CD226: variants seen among roughly 807,000 people sequenced by gnomAD.
CD226 encodes CD226 molecule, also known as CD226 antigen.
A neutral mutation model predicts 34.9 loss-of-function variants in CD226; 24 were observed. The ratio of observed to expected loss-of-function variants is 0.69; its 90% CI spans 0.50 to 0.97. The LOEUF (loss-of-function observed/expected upper bound fraction) is 0.97, where lower values mean the gene tolerates loss of function less well. Among genes scored for constraint, CD226 ranks in the 50% least tolerant of loss-of-function variants. The probability of loss-of-function intolerance (pLI) is 0.00; values close to 1 mark genes in which losing one functional copy is unlikely to be tolerated. For synonymous variants in CD226, 148 were observed against 147.4 expected (o/e 1.00, Z -0.03); for missense variants, 397 against 412.7 (o/e 0.96, Z 0.33).
intron 1 of CD226, among the ~76,000 whole-genome samples, chr18:69,955,514 G>A (rs757355541): frequency 1.6e-4 from 25 of 152,132 alleles, no homozygotes; most frequent in Non-Finnish European, 2.5e-4. Flanking sequence ...TCAGATGCGA[G>A]GGTTTGCCTG....
chr18:69,942,020 CCACCT>C (rs2055731149), intron 2 of CD226, among the ~76,000 whole-genome samples: 1 of 152,120 alleles, frequency 6.6e-6, no homozygotes, highest in South Asian at 2.1e-4. Flanking sequence ...GGCTTTTCCC[CCACCT>C]CACTCTGCAC....
intron 2 of CD226, among the ~76,000 whole-genome samples, chr18:69,909,089 G>A (rs191400424): frequency 4.4e-4 from 67 of 152,240 alleles, no homozygotes; most frequent in Admixed American, 1.2e-3. Flanking sequence ...CTTCTATTGT[G>A]TTGTTTTTTA....
intron 2 of CD226, among the ~76,000 whole-genome samples, chr18:69,935,391 C>T (rs1344565622): frequency 6.6e-6 from 1 of 152,146 alleles, no homozygotes; most frequent in Non-Finnish European, 1.5e-5. Flanking sequence ...AGCTCTCAAC[C>T]TTTGAAGTGA....
chr18:69,925,595 T>C (rs1000046211), intron 2 of CD226, among the ~76,000 whole-genome samples: 1 of 152,096 alleles, frequency 6.6e-6, no homozygotes, highest in Admixed American at 6.5e-5. Context: ...AGTTGCTGGA[T>C]CCCGTCAACT....
rs1982876050 is a variant in CD226, at chr18:69,862,417, A to T, written c.*1897T>A. ...AATTCACTCACAGAATCTTTGATTG[A>T]TCTGATAGTAGAGTGCTTTCTTGTA... On this transcript the variant is annotated 3_prime_UTR_variant, in exon 6 of 6. Transcript: ENST00000582621. 1 of 152,174 alleles carries T rather than the reference A, an allele frequency of 6.6e-6. No individual in the cohort carries two copies. The highest frequency in any genetic ancestry group is 6.5e-5 in the Admixed American group (1 of 15,274). 9.4% of individuals were successfully genotyped at this position (152,174 alleles called of 1,614,324 possible). A position where few individuals can be genotyped will look rare whatever the true frequency, so the allele number is the denominator to read the frequency against.
Position 69,863,249 on chromosome 18 carries a change from T to A in CD226, c.*1065A>T, listed in dbSNP as rs1982922110. 1 of 152,202 alleles carries A rather than the reference T, an allele frequency of 6.6e-6. No homozygotes were observed. The highest frequency in any genetic ancestry group is 6.5e-5 in the Admixed American group (1 of 15,276). 9.4% of individuals were successfully genotyped at this position (152,202 alleles called of 1,614,324 possible). A position where few individuals can be genotyped will look rare whatever the true frequency, so the allele number is the denominator to read the frequency against. On this transcript the variant is annotated 3_prime_UTR_variant, in exon 6 of 6. Transcript: ENST00000582621. Reference sequence around the variant, plus strand: ...CTGTCACTTTTAGTGGTATATTATATTCAACTTTCACATAATCATTAAAAA... The same window carrying A: ...CTGTCACTTTTAGTGGTATATTATAATCAACTTTCACATAATCATTAAAAA...
At chr18:69,912,330 G>T (rs1396167617) in intron 2 of CD226, among the ~76,000 whole-genome samples, 2 of 152,212 alleles carry the variant, frequency 1.3e-5, no homozygotes, top group Middle Eastern at 3.2e-3. Context: ...AAATGGTTGA[G>T]CCTTCTTACA....
rs1271090646 is a variant in CD226, at chr18:69,853,705, A to G, written c.*10609T>C. The G allele has an allele frequency of 6.6e-6, 1 of 152,142 alleles. No individual in the cohort carries two copies. Among genetic ancestry groups the G allele is most frequent in the East Asian group, 1.9e-4 (1 of 5,186 alleles). 9.4% of individuals were successfully genotyped at this position (152,142 alleles called of 1,614,324 possible). A position where few individuals can be genotyped will look rare whatever the true frequency, so the allele number is the denominator to read the frequency against. Reference sequence around the variant, plus strand: ...GCAGTTCATCTTTAGTTTATTTCCAATCGCATAGACTTGACATGTTATCTC... The same window carrying G: ...GCAGTTCATCTTTAGTTTATTTCCAGTCGCATAGACTTGACATGTTATCTC... On this transcript the variant is annotated 3_prime_UTR_variant, in exon 6 of 6. Transcript: ENST00000582621.
upstream of CD226, among the ~76,000 whole-genome samples, chr18:69,952,464 A>G (rs2055862530): frequency 1.3e-5 from 2 of 152,226 alleles, no homozygotes; most frequent in Admixed American, 1.3e-4. Context: ...ATCTATGAAC[A>G]ATTGATATTC....
intron 2 of CD226, among the ~76,000 whole-genome samples, chr18:69,901,651 A>G (rs2849475): frequency 0.37 from 55,537 of 151,940 alleles, 13,177 homozygotes; most frequent in African/African-American, 0.67. Flanking sequence ...AGGCCGAGGC[A>G]GGCAGATCAC....
chr18:69,935,526 T>C (rs1286058154), intron 2 of CD226, among the ~76,000 whole-genome samples: 4 of 152,206 alleles, frequency 2.6e-5, no homozygotes, highest in Non-Finnish European at 5.9e-5. Flanking sequence ...CTCTTACTCA[T>C]GTGTGAGGCC....
upstream of CD226, among the ~76,000 whole-genome samples, chr18:69,950,971 TTGTGTGTGTGTGTGTGTGTGTG>T (rs57098005): frequency 1.5e-5 from 2 of 132,606 alleles, no homozygotes; most frequent in Non-Finnish European, 3.2e-5. Flanking sequence ...AACTATGATT[TTGTGTGTGTGTGTGTGTGTGTG>T]TGTGTGTGTG....
rs1426781436 is a variant in CD226, at chr18:69,861,542, G to GTATATATATATTTATATATA, written c.*2771_*2772insTATATATAAATATATATATA. The stretch of plus-strand genomic sequence containing the variant: ...TTATCCATCGATATAAATTATATGT[G>GTATATATATATTTATATATA]TATATATATATGTATATATATATAT... On this transcript the variant is annotated 3_prime_UTR_variant, in exon 6 of 6. Transcript: ENST00000582621. The GTATATATATATTTATATATA allele has an allele frequency of 4.8e-5, 2 of 41,546 alleles. No homozygotes were observed. Among genetic ancestry groups the GTATATATATATTTATATATA allele is most frequent in the Admixed American group, 3.9e-4 (1 of 2,568 alleles). 2.6% of individuals were successfully genotyped at this position (41,546 alleles called of 1,614,324 possible).
intron 2 of CD226, among the ~76,000 whole-genome samples, chr18:69,933,558 C>T (rs1244773382): frequency 6.6e-6 from 1 of 152,216 alleles, no homozygotes; most frequent in Non-Finnish European, 1.5e-5. Context: ...CCTTGCATTA[C>T]AGTCACTTGG....
intron 5 of CD226, among the ~76,000 whole-genome samples, chr18:69,865,653 C>G (rs62090789): frequency 0.022 from 3,410 of 152,234 alleles, 55 homozygotes; most frequent in Non-Finnish European, 0.031. Context: ...TTTCTTGATT[C>G]TACAGTTGGC....
chr18:69,886,715 AT>A (rs1370731767), intron 3 of CD226, among the ~76,000 whole-genome samples: 5 of 150,434 alleles, frequency 3.3e-5, no homozygotes, highest in Non-Finnish European at 5.9e-5. Context: ...CAAAAAAAAA[AT>A]AAAAATAAAA....
Position 69,947,525 on chromosome 18 carries a change from T to G in CD226, c.-119A>C, listed in dbSNP as rs777052433. 2 of 573,038 alleles carry G rather than the reference T, an allele frequency of 3.5e-6. No homozygotes were observed. The highest frequency in any genetic ancestry group is 6.0e-6 in the Non-Finnish European group (2 of 332,940). The allele number at this position is 573,038 out of a possible 1,614,324, so 35.5% of individuals were successfully genotyped here. A position where few individuals can be genotyped will look rare whatever the true frequency, so the allele number is the denominator to read the frequency against. On this transcript the variant is annotated 5_prime_UTR_variant, in exon 1 of 6. Transcript: ENST00000582621. ...CCTCTCAGATGTTATCAGTCGTGTC[T>G]TCTTTTTCTGAAGTATGAACACAGG...
intron 2 of CD226, among the ~76,000 whole-genome samples, chr18:69,917,970 C>A (rs2055405840): frequency 6.6e-6 from 1 of 152,148 alleles, no homozygotes; most frequent in Admixed American, 6.5e-5. Flanking sequence ...AACAAGTCAG[C>A]TGCCCACTGA....
At chr18:69,884,933 A>G (rs1446076754) in intron 3 of CD226, among the ~76,000 whole-genome samples, 2 of 152,214 alleles carry the variant, frequency 1.3e-5, no homozygotes, top group Non-Finnish European at 2.9e-5. Context: ...TGTGACATGC[A>G]TTACATTCTG....
Sources: gnomAD v4.1 joint callset for allele counts (sites outside exome capture counted in the v4.1 genomes callset) on GRCh38, gnomAD v4.1.1 for gene constraint, MANE v1.5 for transcripts, NCBI Gene and HGNC (gene_info 2026-07-23, HGNC 2026-07-21) for gene names.